The following DLG2 variants were observed in gnomAD, a reference collection of about 807,000 sequenced individuals.
DLG2 encodes disks large homolog 2.
DLG2 carries 45 observed loss-of-function variants against 132.5 expected under a neutral mutation model. The observed-to-expected ratio is 0.34, with a 90% CI of 0.27 to 0.44. The LOEUF is 0.44. Among genes scored for constraint, DLG2 ranks in the 20% least tolerant of loss-of-function variants. The pLI, the probability that DLG2 is intolerant of heterozygous loss-of-function variation, is 1.00. For missense variants in DLG2, 1,045 were observed against 1,196.9 expected (o/e 0.87, Z 1.87); for synonymous variants, 424 against 419.6 (o/e 1.01, Z -0.13).
intron 7 of DLG2, among the ~76,000 whole-genome samples, chr11:84,403,608 G>C (rs576575880): frequency 6.6e-6 from 1 of 152,202 alleles, no homozygotes; most frequent in Non-Finnish European, 1.5e-5. Context: ...CTATAAGCAT[G>C]CACTTGTGGG....
intron 7 of DLG2, among the ~76,000 whole-genome samples, chr11:84,366,047 G>T (rs1339467263): frequency 3.3e-5 from 5 of 152,140 alleles, no homozygotes; most frequent in Admixed American, 1.3e-4. Context: ...GAAAAAATGT[G>T]AAGAGCAGCC....
chr11:84,777,225 T>G (rs1263797903), intron 6 of DLG2, among the ~76,000 whole-genome samples: 1 of 89,076 alleles, frequency 1.1e-5, no homozygotes. Flanking sequence ...AGATGTAATT[T>G]CATTCTTTTT....
chr11:84,730,241 A>C (rs948567699), intron 6 of DLG2, among the ~76,000 whole-genome samples: 2 of 152,030 alleles, frequency 1.3e-5, no homozygotes, highest in Non-Finnish European at 2.9e-5. Context: ...CTTAATCTGA[A>C]AGTTAATTTT....
chr11:84,588,464 G>T (rs998641671), intron 6 of DLG2, among the ~76,000 whole-genome samples: 1 of 152,052 alleles, frequency 6.6e-6, no homozygotes, highest in Non-Finnish European at 1.5e-5. Flanking sequence ...ATTCCAAACA[G>T]ATAGCTATGA....
chr11:85,304,056 A>G (rs992060998), intron 3 of DLG2, among the ~76,000 whole-genome samples: 5 of 152,210 alleles, frequency 3.3e-5, no homozygotes, highest in Non-Finnish European at 7.4e-5. Flanking sequence ...TCCCAAATAC[A>G]TAAGGCTAAA....
chr11:84,545,512 T>A (rs914181065), intron 6 of DLG2: 6 of 401,968 alleles, frequency 1.5e-5, no homozygotes, highest in Non-Finnish European at 2.9e-5. Flanking sequence ...CTTCTTTGGC[T>A]CAATGAAGCA....
chr11:84,177,156 A>G (rs1256434183), intron 8 of DLG2, among the ~76,000 whole-genome samples: 1 of 152,060 alleles, frequency 6.6e-6, no homozygotes, highest in African/African-American at 2.4e-5. Flanking sequence ...TGTTTTCATT[A>G]TACTCTTTGT....
chr11:84,201,159 A>T (rs1185037512), intron 8 of DLG2, among the ~76,000 whole-genome samples: 2 of 151,998 alleles, frequency 1.3e-5, no homozygotes, highest in Non-Finnish European at 2.9e-5. Context: ...ACATGTAGGG[A>T]TGTTGAATTT....
intron 3 of DLG2, among the ~76,000 whole-genome samples, chr11:85,578,165 T>C (rs959785770): frequency 2.6e-5 from 4 of 152,062 alleles, no homozygotes; most frequent in African/African-American, 9.7e-5. Context: ...CAACAAACAG[T>C]GCTGTGATAA....
At chr11:84,270,555 T>C (rs910010874) in intron 7 of DLG2, among the ~76,000 whole-genome samples, 22 of 152,206 alleles carry the variant, frequency 1.4e-4, no homozygotes, top group Admixed American at 1.0e-3. Context: ...GCAGATTATA[T>C]CATGACTTGA....
At chr11:84,491,948 G>A (rs1343226692) in intron 7 of DLG2, among the ~76,000 whole-genome samples, 1 of 152,078 alleles carries the variant, frequency 6.6e-6, no homozygotes. Flanking sequence ...AAAGGAAAGT[G>A]TGTTACTTTC....
intron 16 of DLG2, among the ~76,000 whole-genome samples, chr11:83,847,248 G>A (rs957687907): frequency 2.0e-5 from 3 of 152,100 alleles, no homozygotes; most frequent in Non-Finnish European, 4.4e-5. Flanking sequence ...GTGAAATAAT[G>A]TCTGAAACTA....
At chr11:84,748,870 A>G (rs1424876262) in intron 6 of DLG2, among the ~76,000 whole-genome samples, 2 of 152,212 alleles carry the variant, frequency 1.3e-5, no homozygotes, top group Admixed American at 1.3e-4. Context: ...TAGAATTCCC[A>G]TTAGCCTGAA....
At chr11:84,438,386 A>AT (rs1415006911) in intron 7 of DLG2, among the ~76,000 whole-genome samples, 2 of 152,260 alleles carry the variant, frequency 1.3e-5, no homozygotes, top group African/African-American at 2.4e-5. Flanking sequence ...TTACAGGACG[A>AT]TTTTTTGACA....
chr11:84,542,430 G>A (rs1172659330), intron 6 of DLG2, among the ~76,000 whole-genome samples: 1 of 152,126 alleles, frequency 6.6e-6, no homozygotes, highest in African/African-American at 2.4e-5. Context: ...CATGTTCTCT[G>A]TGTCAAGTTT....
intron 3 of DLG2, among the ~76,000 whole-genome samples, chr11:85,381,861 C>T (rs1437743142): frequency 6.6e-6 from 1 of 152,042 alleles, no homozygotes; most frequent in Non-Finnish European, 1.5e-5. Context: ...GATAAACAGA[C>T]ATTCCATATT....
chr11:85,182,168 T>A (rs1425821086), intron 4 of DLG2, among the ~76,000 whole-genome samples: 4 of 151,950 alleles, frequency 2.6e-5, no homozygotes, highest in Non-Finnish European at 2.9e-5. Flanking sequence ...CTGCCTATGT[T>A]ATCCCAATTC....
chr11:84,464,118 T>C (rs935186065), intron 7 of DLG2, among the ~76,000 whole-genome samples: 4 of 151,224 alleles, frequency 2.6e-5, no homozygotes, highest in African/African-American at 9.7e-5. Flanking sequence ...AATTGACCGA[T>C]TCGACAGACA....
chr11:84,977,725 C>G (rs1470409713), intron 6 of DLG2, among the ~76,000 whole-genome samples: 2 of 152,128 alleles, frequency 1.3e-5, no homozygotes, highest in African/African-American at 4.8e-5. Context: ...TCCTCATTTC[C>G]TATATTTTCC....
Sources: allele counts gnomAD v4.1 joint callset (sites outside exome capture counted in the v4.1 genomes callset), GRCh38; gene constraint gnomAD v4.1.1; transcripts MANE v1.5; gene names NCBI Gene and HGNC (gene_info 2026-07-23, HGNC 2026-07-21).